SLC24A3: variants seen among roughly 807,000 people sequenced by gnomAD.
SLC24A3 encodes solute carrier family 24 member 3.
SLC24A3 carries 28 observed loss-of-function variants against 75.8 expected under a neutral mutation model. The ratio of observed to expected loss-of-function variants is 0.37; its 90% confidence interval spans 0.27 to 0.51. The LOEUF (loss-of-function observed/expected upper bound fraction) is 0.51, where lower values mean the gene tolerates loss of function less well. Ranked by LOEUF, SLC24A3 falls within the 20% of genes least tolerant of loss-of-function variation. SLC24A3 has a pLI of 0.94. For synonymous variants in SLC24A3, 372 were observed against 334.1 expected (o/e 1.11, Z -1.24); for missense variants, 663 against 847.8 (o/e 0.78, Z 2.71).
chr20:19,593,635 G>A (rs1362966905), intron 6 of SLC24A3, among the ~76,000 whole-genome samples: 1 of 152,206 alleles, frequency 6.6e-6, no homozygotes, highest in South Asian at 2.1e-4. Context: ...GAGACGTTGA[G>A]GGCTGCAGGG....
chr20:19,232,653 G>A (rs535615914), intron 1 of SLC24A3, among the ~76,000 whole-genome samples: 152 of 152,358 alleles, frequency 1.0e-3, no homozygotes, highest in African/African-American at 3.6e-3. Context: ...AGCTGGGAAA[G>A]CCACTGACGA....
At chr20:19,523,081 T>G (rs2030134225) in intron 3 of SLC24A3, among the ~76,000 whole-genome samples, 1 of 152,086 alleles carries the variant, frequency 6.6e-6, no homozygotes, top group African/African-American at 2.4e-5. Flanking sequence ...ACGAACAAAT[T>G]CAGTATAAAG....
intron 3 of SLC24A3, among the ~76,000 whole-genome samples, chr20:19,563,353 T>C (rs1232597524): frequency 7.2e-5 from 11 of 152,106 alleles, no homozygotes; most frequent in Admixed American, 7.2e-4. Flanking sequence ...CCACAAGAAG[T>C]TGCCTGCTTG....
chr20:19,676,233 G>A (rs73900716), intron 9 of SLC24A3, among the ~76,000 whole-genome samples: 2,791 of 152,228 alleles, frequency 0.018, 83 homozygotes, highest in African/African-American at 0.063. Flanking sequence ...CCCATGAGTC[G>A]CTGGCAGGAC....
At chr20:19,414,568 T>C (rs1986796591) in intron 2 of SLC24A3, among the ~76,000 whole-genome samples, 1 of 152,210 alleles carries the variant, frequency 6.6e-6, no homozygotes, top group Admixed American at 6.5e-5. Context: ...CATATCATTT[T>C]ATATATTTTC....
chr20:19,507,807 C>G (rs571195818), intron 2 of SLC24A3, among the ~76,000 whole-genome samples: 6 of 152,294 alleles, frequency 3.9e-5, no homozygotes, highest in Non-Finnish European at 8.8e-5. Flanking sequence ...CCTCCCAACA[C>G]CATTTCTCAG....
At chr20:19,444,399 AT>A (rs1369884922) in intron 2 of SLC24A3, among the ~76,000 whole-genome samples, 1 of 152,224 alleles carries the variant, frequency 6.6e-6, no homozygotes, top group Non-Finnish European at 1.5e-5. Flanking sequence ...ATTGTACAGA[AT>A]TGATGTAATT....
At chr20:19,660,047 G>C (rs1451787815) in intron 7 of SLC24A3, among the ~76,000 whole-genome samples, 1 of 152,126 alleles carries the variant, frequency 6.6e-6, no homozygotes, top group East Asian at 1.9e-4. Context: ...CCAAGGCCCT[G>C]CCCCTCTGAC....
chr20:19,368,247 A>C (rs6035311), intron 2 of SLC24A3, among the ~76,000 whole-genome samples: 84,303 of 152,002 alleles, frequency 0.55, 25,620 homozygotes, highest in African/African-American at 0.81. Context: ...TGAAGACAGG[A>C]CAGTAATTGG....
intron 6 of SLC24A3, among the ~76,000 whole-genome samples, chr20:19,636,481 G>A (rs952240038): frequency 6.6e-6 from 1 of 152,208 alleles, no homozygotes; most frequent in African/African-American, 2.4e-5. Context: ...AGAAAAAAGG[G>A]ATGTCTTTCA....
At position 19,720,984 on chromosome 20, in the gene SLC24A3, C is replaced by T. The variant is rs748076946; in HGVS notation, c.1786-7C>T. ...GGTGCCCTCTGAACCTGTTCTGTGC[C>T]CTGCAGGTGTTCGGCGTCCACCTGA... On this transcript the variant is annotated splice_polypyrimidine_tract_variant and splice_region_variant and intron_variant, in intron 16 of 16. Coordinates refer to ENST00000328041, the MANE Select transcript of SLC24A3 (RefSeq NM_020689.4). 4 of 1,613,382 alleles carry T rather than the reference C, an allele frequency of 2.5e-6. No homozygotes were observed. The highest frequency in any genetic ancestry group is 2.7e-5 in the African/African-American group (2 of 74,868).
chr20:19,277,655 A>G (rs1482849181), intron 1 of SLC24A3, among the ~76,000 whole-genome samples: 1 of 152,210 alleles, frequency 6.6e-6, no homozygotes, highest in Non-Finnish European at 1.5e-5. Context: ...TTGAGATAAA[A>G]GTTTGCAGGT....
At chr20:19,679,494 A>G (rs2032581411) in intron 9 of SLC24A3, among the ~76,000 whole-genome samples, 1 of 72,928 alleles carries the variant, frequency 1.4e-5, no homozygotes. Flanking sequence ...GAGACCGTGG[A>G]AAGAGACGGA....
intron 2 of SLC24A3, among the ~76,000 whole-genome samples, chr20:19,373,061 A>ATTT (rs11415733): frequency 2.7e-5 from 4 of 150,086 alleles, no homozygotes; most frequent in Non-Finnish European, 4.5e-5. Flanking sequence ...TAGTTTTGCG[A>ATTT]TTTTTTTTTT....
In SLC24A3 at chr20:19,688,516, T is replaced by A. The variant is rs550205707; in HGVS notation, c.1324+3155T>A. Among the ~76,000 whole-genome samples the A allele has an allele frequency of 6.6e-5, 10 of 152,294 alleles. No individual in the cohort carries two copies. The East Asian group carries it at 1.7e-3, about 26-fold the overall frequency. ...GGGCAGGCAGGCCTCTGCTTATGGGTGAGAAGCCTGTCGGGTGCTTCCGGC... is the reference window on the plus strand; with the variant it reads ...GGGCAGGCAGGCCTCTGCTTATGGGAGAGAAGCCTGTCGGGTGCTTCCGGC... On this transcript the variant is annotated intron_variant, in intron 12 of 16. Coordinates refer to ENST00000328041, the MANE Select transcript of SLC24A3 (RefSeq NM_020689.4).
chr20:19,347,834 C>T (rs915704966), intron 2 of SLC24A3, among the ~76,000 whole-genome samples: 11 of 152,174 alleles, frequency 7.2e-5, no homozygotes, highest in African/African-American at 2.2e-4. Flanking sequence ...TTAGTTACAA[C>T]TAAGCTTCGG....
intron 2 of SLC24A3, among the ~76,000 whole-genome samples, chr20:19,409,142 G>T (rs1986702094): frequency 6.6e-6 from 1 of 152,162 alleles, no homozygotes; most frequent in South Asian, 2.1e-4. Flanking sequence ...TTAGATTGTA[G>T]ATCCAGGAGG....
At chr20:19,346,172 TATATATATATG>T (rs1985407179) in intron 2 of SLC24A3, among the ~76,000 whole-genome samples, 1 of 85,328 alleles carries the variant, frequency 1.2e-5, no homozygotes. Flanking sequence ...ATATATATGG[TATATATATATG>T]GTGTATATAT....
rs774451616 is a variant in SLC24A3, at chr20:19,580,002, C to T, written c.351C>T (p.Ala117=). The part of the protein sequence containing the change: ...QGAVVLHVLC[A]IYMFYALAIV... ...CCCTTTTATCTCCTCTCTTCCAGGCCATATACATGTTCTATGCGCTGGCCA... is the reference window on the plus strand; with the variant it reads ...CCCTTTTATCTCCTCTCTTCCAGGCTATATACATGTTCTATGCGCTGGCCA... The change falls in exon 4 of 17, where the codon GCC becomes GCT. Residue 117 remains alanine (A), a splice_region_variant and synonymous_variant. Coordinates refer to ENST00000328041, the MANE Select transcript of SLC24A3 (RefSeq NM_020689.4). 2 of 1,612,860 alleles carry T rather than the reference C, an allele frequency of 1.2e-6. No individual in the cohort carries two copies. Among genetic ancestry groups the T allele is most frequent in the Non-Finnish European group, 1.7e-6 (2 of 1,178,930 alleles).
Sources: allele counts gnomAD v4.1 joint callset (sites outside exome capture counted in the v4.1 genomes callset), GRCh38; gene constraint gnomAD v4.1.1; transcripts MANE v1.5; gene names NCBI Gene and HGNC (gene_info 2026-07-23, HGNC 2026-07-21).